The following FAF1 variants were observed in gnomAD, a reference collection of about 807,000 sequenced individuals.
FAF1 encodes Fas associated factor 1, also known as FAS-associated factor 1.
In FAF1, 25 loss-of-function variants were observed where a neutral mutation model predicts 92.5. The observed-to-expected ratio is 0.27, with a 90% CI of 0.20 to 0.38. FAF1 has a LOEUF of 0.38. Ranked by LOEUF, FAF1 falls within the 10% of genes least tolerant of loss-of-function variation. The probability of loss-of-function intolerance (pLI) is 1.00; values close to 1 mark genes in which losing one functional copy is unlikely to be tolerated. For missense variants in FAF1, 636 were observed against 793.3 expected (o/e 0.80, Z 2.38); for synonymous variants, 234 against 273.2 (o/e 0.86, Z 1.42).
At chr1:50,919,817 CAATT>C (rs1410540608) in intron 1 of FAF1, among the ~76,000 whole-genome samples, 1 of 152,050 alleles carries the variant, frequency 6.6e-6, no homozygotes, top group Non-Finnish European at 1.5e-5. Context: ...TAGTATAAAG[CAATT>C]AAGAGGAACT....
intron 8 of FAF1, among the ~76,000 whole-genome samples, chr1:50,637,679 A>G (rs868213660): frequency 2.1e-3 from 214 of 101,786 alleles, no homozygotes; most frequent in Non-Finnish European, 3.5e-3. Context: ...ACACATATAT[A>G]TATGTGTGTG....
intron 2 of FAF1, among the ~76,000 whole-genome samples, chr1:50,846,208 T>G (rs1445353753): frequency 2.6e-5 from 4 of 151,112 alleles, no homozygotes; most frequent in Non-Finnish European, 5.9e-5. Flanking sequence ...CTATGCTACA[T>G]ACGATGTACA....
At chr1:50,959,089 G>A (rs1246424575) in intron 1 of FAF1, among the ~76,000 whole-genome samples, 1 of 152,164 alleles carries the variant, frequency 6.6e-6, no homozygotes, top group African/African-American at 2.4e-5. Context: ...CTGGAGAAAG[G>A]ACACCAACCA....
intron 1 of FAF1, among the ~76,000 whole-genome samples, chr1:50,909,347 T>C (rs1053534741): frequency 1.1e-4 from 16 of 152,202 alleles, no homozygotes; most frequent in Non-Finnish European, 1.0e-4. Flanking sequence ...CTGACAATTA[T>C]GTGTCTTGGA....
At chr1:50,579,380 G>A (rs1047052364) in intron 12 of FAF1, among the ~76,000 whole-genome samples, 2 of 152,058 alleles carry the variant, frequency 1.3e-5, no homozygotes, top group East Asian at 1.9e-4. Context: ...AGTTACAAAA[G>A]GCTGTGACAT....
chr1:50,836,460 C>G (rs2124639318), intron 2 of FAF1, among the ~76,000 whole-genome samples: 1 of 152,076 alleles, frequency 6.6e-6, no homozygotes, highest in African/African-American at 2.4e-5. Flanking sequence ...ATGTTAGGGA[C>G]AAAAATTGGA....
intron 2 of FAF1, among the ~76,000 whole-genome samples, chr1:50,810,955 G>C (rs1225348024): frequency 3.9e-5 from 6 of 152,182 alleles, no homozygotes. Context: ...TGAGGCAGGA[G>C]AATCGCTTAA....
At chr1:50,945,483 GCACCCTCTGTGT>G (rs1645166679) in intron 1 of FAF1, among the ~76,000 whole-genome samples, 1 of 152,158 alleles carries the variant, frequency 6.6e-6, no homozygotes, top group Admixed American at 6.5e-5. Context: ...GCATGTAATG[GCACCCTCTGTGT>G]CACAGTCCTT....
In FAF1 at chr1:50,954,540, A is replaced by ATT. The variant is rs199964324; in HGVS notation, c.45+5225_45+5226dup. On this transcript the variant is annotated intron_variant, in intron 1 of 18. Coordinates refer to ENST00000396153, the MANE Select transcript of FAF1 (RefSeq NM_007051.3). Reference sequence around the variant, plus strand: ...AACAATAAAAAAATAAAAAATTTTGATTTTTTTTTTTTTTTTTTTTGAGAG... The same window carrying ATT: ...AACAATAAAAAAATAAAAAATTTTGATTTTTTTTTTTTTTTTTTTTTTGAGAG... 6.5e-3 allele frequency among the ~76,000 whole-genome samples: 779 copies of ATT among 120,354 alleles called. 10 individuals carry two copies. Among genetic ancestry groups the ATT allele is most frequent in the East Asian group, 0.012 (47 of 4,076 alleles). The allele number at this position is 120,354 out of a possible 152,430, so 79.0% of individuals were successfully genotyped here.
chr1:50,949,007 C>G (rs1426383341), intron 1 of FAF1, among the ~76,000 whole-genome samples: 9 of 152,132 alleles, frequency 5.9e-5, no homozygotes, highest in Non-Finnish European at 5.9e-5. Context: ...GACAAACATC[C>G]AAACCATGTC....
At chr1:50,486,771 C>A (rs1415914320) in intron 17 of FAF1, among the ~76,000 whole-genome samples, 3 of 152,074 alleles carry the variant, frequency 2.0e-5, no homozygotes, top group African/African-American at 7.2e-5. Flanking sequence ...AATTTGCACA[C>A]AGAAGGAGAT....
At chr1:50,906,286 G>C (rs1244603261) in intron 1 of FAF1, among the ~76,000 whole-genome samples, 1 of 152,172 alleles carries the variant, frequency 6.6e-6, no homozygotes, top group Non-Finnish European at 1.5e-5. Context: ...TTGTAGCTTT[G>C]TAGTATAGTT....
intron 2 of FAF1, among the ~76,000 whole-genome samples, chr1:50,850,198 A>G (rs950543663): frequency 6.6e-6 from 1 of 152,164 alleles, no homozygotes; most frequent in African/African-American, 2.4e-5. Flanking sequence ...ATAATAGCAA[A>G]AAACTTAGAG....
chr1:50,952,440 C>T (rs1358329014), intron 1 of FAF1, among the ~76,000 whole-genome samples: 2 of 152,326 alleles, frequency 1.3e-5, no homozygotes, highest in Admixed American at 6.5e-5. Context: ...AGTGCAGTGG[C>T]GTGATCTCGG....
intron 2 of FAF1, among the ~76,000 whole-genome samples, chr1:50,846,210 C>T (rs1165597853): frequency 1.3e-5 from 2 of 150,964 alleles, no homozygotes; most frequent in African/African-American, 4.9e-5. Context: ...ATGCTACATA[C>T]GATGTACAGC....
chr1:50,717,823 A>G (rs1004437505), intron 6 of FAF1, among the ~76,000 whole-genome samples: 5 of 152,152 alleles, frequency 3.3e-5, no homozygotes, highest in African/African-American at 1.2e-4. Context: ...GCAACATAGC[A>G]AGACCTCATG....
At chr1:50,515,827 G>T (rs1018235645) in intron 15 of FAF1, among the ~76,000 whole-genome samples, 3 of 151,960 alleles carry the variant, frequency 2.0e-5, no homozygotes, top group Non-Finnish European at 4.4e-5. Context: ...TTGCCTTATT[G>T]AATTACTTCT....
intron 2 of FAF1, among the ~76,000 whole-genome samples, chr1:50,826,505 G>A (rs935219896): frequency 4.6e-5 from 7 of 151,382 alleles, no homozygotes; most frequent in East Asian, 1.9e-4. Context: ...AGCTAAGATC[G>A]TGCCACTGCA....
intron 6 of FAF1, among the ~76,000 whole-genome samples, chr1:50,737,219 T>TAAA (rs1659178270): frequency 6.6e-6 from 1 of 152,214 alleles, no homozygotes; most frequent in Non-Finnish European, 1.5e-5. Flanking sequence ...AAACACTGCA[T>TAAA]TTCAGCAGCA....
Sources: gnomAD v4.1 joint callset for allele counts (sites outside exome capture counted in the v4.1 genomes callset) on GRCh38, gnomAD v4.1.1 for gene constraint, MANE v1.5 for transcripts, NCBI Gene and HGNC (gene_info 2026-07-23, HGNC 2026-07-21) for gene names.